The following TCF12 variants were observed in gnomAD, a reference collection of about 807,000 sequenced individuals.
TCF12 encodes transcription factor 12.
Under a neutral mutation model 86.0 loss-of-function variants are expected in TCF12, and 45 were observed. That is an observed-to-expected ratio of 0.52 (90% CI 0.41 to 0.67). TCF12 has a LOEUF of 0.67. Ranked by LOEUF, TCF12 falls within the 30% of genes least tolerant of loss-of-function variation. The probability of loss-of-function intolerance (pLI) is 0.00; values close to 1 mark genes in which losing one functional copy is unlikely to be tolerated. For missense variants in TCF12, 881 were observed against 859.9 expected (o/e 1.02, Z -0.31); for synonymous variants, 330 against 299.6 (o/e 1.10, Z -1.05).
chr15:57,193,048 C>T (rs2057065860), intron 7 of TCF12, among the ~76,000 whole-genome samples: 2 of 152,070 alleles, frequency 1.3e-5, no homozygotes, highest in South Asian at 2.1e-4. Flanking sequence ...AATGATATAA[C>T]AAAATTTGCA....
chr15:57,088,590 G>T (rs146345131), intron 4 of TCF12, among the ~76,000 whole-genome samples: 4 of 151,136 alleles, frequency 2.6e-5, no homozygotes, highest in Admixed American at 1.3e-4. Flanking sequence ...AGTGGGGGGT[G>T]CCTGGCTGTC....
At chr15:57,163,407 A>G (rs2054633434) in intron 5 of TCF12, among the ~76,000 whole-genome samples, 1 of 152,164 alleles carries the variant, frequency 6.6e-6, no homozygotes, top group East Asian at 1.9e-4. Flanking sequence ...AATCCTTGAA[A>G]TAATAATGCT....
intron 6 of TCF12, among the ~76,000 whole-genome samples, chr15:57,167,013 A>G (rs1326381982): frequency 1.3e-5 from 2 of 152,140 alleles, no homozygotes; most frequent in East Asian, 3.9e-4. Context: ...AATCCTGAAC[A>G]CACAATTCAC....
At chr15:57,004,237 CTT>C (rs200302099) in intron 3 of TCF12, among the ~76,000 whole-genome samples, 16 of 144,210 alleles carry the variant, frequency 1.1e-4, no homozygotes, top group East Asian at 2.0e-4. Context: ...TTCTTTCTTT[CTT>C]TTTTTTTTTT....
intron 3 of TCF12, among the ~76,000 whole-genome samples, chr15:57,061,710 A>G (rs2068468494): frequency 6.6e-6 from 1 of 152,238 alleles, no homozygotes; most frequent in Non-Finnish European, 1.5e-5. Flanking sequence ...GATTATTTTC[A>G]TCAGGACAAG....
chr15:57,278,639 C>T (rs2061514132), intron 19 of TCF12: 1 of 212,610 alleles, frequency 4.7e-6, no homozygotes, highest in South Asian at 8.8e-5. Flanking sequence ...CACTCGTGAA[C>T]ACCCAATCAT....
At chr15:56,969,502 A>G (rs1446363296) in intron 3 of TCF12, among the ~76,000 whole-genome samples, 1 of 150,948 alleles carries the variant, frequency 6.6e-6, no homozygotes, top group Admixed American at 6.6e-5. Context: ...AACCACGTTT[A>G]GATACACTAT....
chr15:57,163,153 G>A (rs540838234), intron 5 of TCF12, among the ~76,000 whole-genome samples: 2 of 151,974 alleles, frequency 1.3e-5, no homozygotes, highest in East Asian at 1.9e-4. Flanking sequence ...CAGCCTGGGT[G>A]ACAGAGTGAG....
intron 19 of TCF12, among the ~76,000 whole-genome samples, chr15:57,275,359 T>TGTGTGTGTAC (rs1555417688): frequency 1.3e-4 from 3 of 23,970 alleles, no homozygotes; most frequent in African/African-American, 3.7e-4. Context: ...TGTGTGTGTG[T>TGTGTGTGTAC]GTGTACGTAT....
intron 3 of TCF12, among the ~76,000 whole-genome samples, chr15:56,982,639 T>A (rs1357470180): frequency 1.3e-5 from 2 of 152,220 alleles, no homozygotes; most frequent in Non-Finnish European, 2.9e-5. Flanking sequence ...ATTAAATTTG[T>A]ACCTTGATTC....
intron 4 of TCF12, among the ~76,000 whole-genome samples, chr15:57,078,022 A>G (rs2733187): frequency 0.82 from 124,414 of 152,200 alleles, 51,344 homozygotes; most frequent in African/African-American, 0.93. Flanking sequence ...ATGCATGGAT[A>G]TTCTTAACAC....
intron 3 of TCF12, among the ~76,000 whole-genome samples, chr15:57,030,024 C>T (rs572325242): frequency 2.0e-4 from 30 of 151,900 alleles, no homozygotes; most frequent in South Asian, 2.1e-4. Context: ...AGAGTAGAGT[C>T]GCTATGAACA....
At chr15:57,018,408 G>A (rs1393494236) in intron 3 of TCF12, among the ~76,000 whole-genome samples, 1 of 152,214 alleles carries the variant, frequency 6.6e-6, no homozygotes, top group Admixed American at 6.5e-5. Flanking sequence ...GCAGGAAGTA[G>A]GATGTAATTG....
intron 3 of TCF12, among the ~76,000 whole-genome samples, chr15:57,057,503 C>G (rs1384194060): frequency 6.6e-6 from 1 of 152,168 alleles, no homozygotes; most frequent in Non-Finnish European, 1.5e-5. Flanking sequence ...TCCCAATCAG[C>G]CTGTTTTTGT....
intron 5 of TCF12, among the ~76,000 whole-genome samples, chr15:57,105,977 CT>C (rs2050109564): frequency 6.6e-6 from 1 of 152,196 alleles, no homozygotes; most frequent in South Asian, 2.1e-4. Flanking sequence ...ACAGTAACAG[CT>C]CCTGTCTAGG....
intron 3 of TCF12, among the ~76,000 whole-genome samples, chr15:56,995,327 T>C (rs1455157965): frequency 1.3e-5 from 2 of 150,930 alleles, no homozygotes; most frequent in Non-Finnish European, 3.0e-5. Flanking sequence ...AGTTTTTTTC[T>C]AGTTCTGTGA....
chr15:57,213,125 A>G (rs1367348815), intron 8 of TCF12, among the ~76,000 whole-genome samples: 3 of 152,206 alleles, frequency 2.0e-5, no homozygotes, highest in Non-Finnish European at 4.4e-5. Flanking sequence ...CTGGTCAAGC[A>G]CTGCTTGTTT....
intron 3 of TCF12, among the ~76,000 whole-genome samples, chr15:57,061,634 G>T (rs1418987648): frequency 6.6e-6 from 1 of 151,884 alleles, no homozygotes; most frequent in Admixed American, 6.6e-5. Context: ...ATACACATAA[G>T]CCTCATATTT....
intron 3 of TCF12, among the ~76,000 whole-genome samples, chr15:57,001,004 T>TTA (rs1301058756): frequency 7.0e-6 from 1 of 142,930 alleles, no homozygotes; most frequent in African/African-American, 2.5e-5. Context: ...TTTAAAAATT[T>TTA]AAAAAAAATT....
Sources: allele counts gnomAD v4.1 joint callset (sites outside exome capture counted in the v4.1 genomes callset), GRCh38; gene constraint gnomAD v4.1.1; transcripts MANE v1.5; gene names NCBI Gene and HGNC (gene_info 2026-07-23, HGNC 2026-07-21).